Variants in TNNT3 observed in about 807,000 individuals in gnomAD.
TNNT3 encodes troponin T, fast skeletal muscle.
In TNNT3, 36 loss-of-function variants were observed where a neutral mutation model predicts 54.2. The ratio of observed to expected loss-of-function variants is 0.66; its 90% confidence interval spans 0.51 to 0.88. The LOEUF (loss-of-function observed/expected upper bound fraction) is 0.88. Ranked by LOEUF, TNNT3 falls within the 40% of genes least tolerant of loss-of-function variation. The pLI is 0.00. For missense variants in TNNT3, 291 were observed against 331.6 expected (o/e 0.88, Z 0.95); for synonymous variants, 120 against 109.7 (o/e 1.09, Z -0.59).
At chr11:1,934,499 G>A in intron 12 of TNNT3, 47 bp from the exon 13 acceptor site, 1 of 1,607,780 alleles carries the variant, frequency 6.2e-7, no homozygotes, top group Non-Finnish European at 8.5e-7. Flanking sequence ...GCTACGCCCT[G>A]TGCCCTCCTG....
intron 5 of TNNT3, 181 bp from the exon 6 acceptor site, chr11:1,926,514 G>T (rs147893190): frequency 6.2e-7 from 1 of 1,612,234 alleles, no homozygotes; most frequent in Non-Finnish European, 8.5e-7. Flanking sequence ...ACATGGGCAC[G>T]TGTGGCCATG....
At chr11:1,929,165 C>T (rs374046048) in intron 7 of TNNT3, 22 bp downstream of exon 7, 81 of 1,612,174 alleles carry the variant, frequency 5.0e-5, no homozygotes, top group Non-Finnish European at 6.3e-5. Flanking sequence ...TCCCTGCCGC[C>T]GGAGGTGCAG....
At chr11:1,937,046 C>A (rs1367224618) in intron 15 of TNNT3, 43 bp downstream of exon 15, 1 of 1,560,506 alleles carries the variant, frequency 6.4e-7, no homozygotes, top group Non-Finnish European at 8.7e-7. Context: ...GGCACAGGGG[C>A]CCTTGGGGCC....
intron 8 of TNNT3, among the ~76,000 whole-genome samples, chr11:1,931,648 A>G (rs1011975047): frequency 6.6e-6 from 1 of 150,442 alleles, no homozygotes; most frequent in African/African-American, 2.4e-5. Flanking sequence ...ATCAGTTTGC[A>G]TAAGGATATA....
intron 15 of TNNT3, 25 bp downstream of exon 15, chr11:1,937,028 C>A: frequency 6.3e-7 from 1 of 1,577,062 alleles, no homozygotes; most frequent in East Asian, 2.3e-5. Flanking sequence ...CGTCCTCGCT[C>A]CGCACTGGGC....
chr11:1,937,987 C>G (rs966632103), intron 15 of TNNT3, among the ~76,000 whole-genome samples: 13 of 152,224 alleles, frequency 8.5e-5, no homozygotes, highest in Admixed American at 2.0e-4. Context: ...CCGCCTTCAC[C>G]CCTCACCCGC....
Position 1,938,479 on chromosome 11 carries a change from G to C in TNNT3, c.764G>C (p.Gly255Ala), listed in dbSNP as rs970702029. 6.2e-7 allele frequency: 1 copy of C among 1,613,332 alleles called. No individual in the cohort carries two copies. Among genetic ancestry groups the C allele is most frequent in the South Asian group, 1.1e-5 (1 of 91,090 alleles). The change falls in exon 16 of 16, where the codon GGG becomes GCG. Residue 255 changes from glycine (G) to alanine (A), a missense_variant. Gly to Ala is a moderately conservative substitution (Grantham distance 60). Coordinates refer to ENST00000278317, the MANE Select transcript of TNNT3 (RefSeq NM_006757.4). ...ACCCCAGCCAAGGGCAAAGTCGGCG[G>C]GCGCTGGAAGTAGAGAGGCCAGAAA... ...AGTPAKGKVG[G>A]RWK
At chr11:1,930,426 C>G (rs1381625680) in intron 8 of TNNT3, among the ~76,000 whole-genome samples, 1 of 152,230 alleles carries the variant, frequency 6.6e-6, no homozygotes, top group Non-Finnish European at 1.5e-5. Context: ...TCCAGAAGAG[C>G]TCACTGTGCA....
Position 1,922,847 on chromosome 11 carries a change from C to T in TNNT3, c.-18-10C>T, listed in dbSNP as rs1850417806. On this transcript the variant is annotated splice_polypyrimidine_tract_variant and intron_variant, in intron 1 of 15. Coordinates refer to ENST00000278317, the MANE Select transcript of TNNT3 (RefSeq NM_006757.4). ...TCTCTCTCTCTCTCTCTCTGAATCT[C>T]TCTCTGCAGAAACCACCCACCTTCA... 6 of 1,612,138 alleles carry T rather than the reference C, an allele frequency of 3.7e-6. No individual in the cohort carries two copies. In the African/African-American group the frequency reaches 8.0e-5, roughly 22 times the overall value.
chr11:1,923,198 T>A (rs1850543090), intron 3 of TNNT3, 137 bp downstream of exon 3: 1 of 1,272,210 alleles, frequency 7.9e-7, no homozygotes, highest in Non-Finnish European at 1.1e-6. Context: ...GGCTTCTGAG[T>A]GACCCCCGGA....
intron 8 of TNNT3, 69 bp downstream of exon 8, chr11:1,929,897 G>A: frequency 6.5e-7 from 1 of 1,534,700 alleles, no homozygotes; most frequent in Non-Finnish European, 8.8e-7. Context: ...AGTGAGTGTG[G>A]GGTCCTGGCA....
At chr11:1,920,120 G>A (rs1269899733) in intron 1 of TNNT3, among the ~76,000 whole-genome samples, 1 of 152,172 alleles carries the variant, frequency 6.6e-6, no homozygotes, top group Non-Finnish European at 1.5e-5. Context: ...GCAGGGAAGA[G>A]GCTGTGCAGG....
At chr11:1,929,461 C>T (rs1564815020) in intron 7 of TNNT3, among the ~76,000 whole-genome samples, 2 of 152,206 alleles carry the variant, frequency 1.3e-5, no homozygotes, top group African/African-American at 4.8e-5. Flanking sequence ...CCCCTTTCCT[C>T]CCAATCTTCT....
intron 14 of TNNT3, chr11:1,936,134 C>T: frequency 1.9e-6 from 3 of 1,549,868 alleles, no homozygotes; most frequent in Non-Finnish European, 2.7e-6. Flanking sequence ...GGAGGGCCAT[C>T]ACCAGGCCAA....
rs777143391 is a variant in TNNT3 at position 1,933,854 on chromosome 11, AG to A, written c.288+19del. On this transcript the variant is annotated intron_variant, in intron 10 of 15. Transcript: ENST00000278317. ...GAGAGAATCGTGAGTGGGGCAGTTC[AG>A]GTTGCAGCAGGGGCTGGTGGACTCC... The A allele has an allele frequency of 7.1e-5, 115 of 1,611,884 alleles. No individual in the cohort carries two copies. Among genetic ancestry groups the A allele is most frequent in the Admixed American group, 2.2e-4 (13 of 60,002 alleles).
rs1178436775 is a variant in TNNT3 at position 1,924,876 on chromosome 11, C to A, written c.50-223C>A. 1.1e-5 allele frequency: 7 copies of A among 649,050 alleles called. No individual in the cohort carries two copies. The African/African-American group carries it at 1.2e-4, about 12-fold the overall frequency. 40.2% of individuals were successfully genotyped at this position (649,050 alleles called of 1,614,324 possible). ...CTCTCAGGGGCCGGGCCCAGCCCAG[C>A]TGACAGTGACCAGCTCTGCTGGTGG... On this transcript the variant is annotated intron_variant, in intron 4 of 15. Transcript: ENST00000278317.
intron 13 of TNNT3, 65 bp from the exon 14 acceptor site, chr11:1,934,764 C>T (rs1391343540): frequency 6.3e-7 from 1 of 1,599,198 alleles, no homozygotes. Context: ...TGCAGGAGGA[C>T]TCCAGGGGCC....
intron 7 of TNNT3, among the ~76,000 whole-genome samples, 166 bp from the exon 8 acceptor site, chr11:1,929,644 A>G (rs561066191): frequency 6.6e-6 from 1 of 152,322 alleles, no homozygotes; most frequent in African/African-American, 2.4e-5. Context: ...GAGCAGAAAC[A>G]GGACCCTCTT....
chr11:1,938,025 A>G (rs1855666672), intron 15 of TNNT3, among the ~76,000 whole-genome samples: 1 of 152,174 alleles, frequency 6.6e-6, no homozygotes, highest in South Asian at 2.1e-4. Context: ...TCGTGGCCAC[A>G]TGAAGACCTC....
Sources: gnomAD v4.1 joint callset for allele counts (sites outside exome capture counted in the v4.1 genomes callset) on GRCh38, gnomAD v4.1.1 for gene constraint, MANE v1.5 for transcripts, NCBI Gene and HGNC (gene_info 2026-07-23, HGNC 2026-07-21) for gene names.